The following DOCK1 variants were observed in gnomAD, a reference collection of about 807,000 sequenced individuals.
DOCK1 encodes the protein dedicator of cytokinesis protein 1.
DOCK1 carries 138 observed loss-of-function variants against 262.7 expected under a neutral mutation model. That is an observed-to-expected ratio of 0.53 (90% CI 0.46 to 0.61). The LOEUF (loss-of-function observed/expected upper bound fraction) is 0.61. Ranked by LOEUF, DOCK1 falls within the 20% of genes least tolerant of loss-of-function variation. The pLI is 0.00. For missense variants in DOCK1, 1,908 were observed against 2,370.7 expected (o/e 0.80, Z 4.05); for synonymous variants, 866 against 867.4 (o/e 1.00, Z 0.03).
intron 29 of DOCK1, among the ~76,000 whole-genome samples, chr10:127,306,014 GT>G (rs534023263): frequency 0.11 from 14,030 of 131,320 alleles, 508 homozygotes; most frequent in African/African-American, 0.19. Context: ...TTTTTTCCTG[GT>G]TTTTTTTTTT....
At chr10:127,048,479 G>A (rs2044493080) in intron 21 of DOCK1, among the ~76,000 whole-genome samples, 1 of 151,344 alleles carries the variant, frequency 6.6e-6, no homozygotes, top group Admixed American at 6.6e-5. Context: ...TTTTCTTAAT[G>A]GTGTCTTTCG....
At chr10:127,171,398 C>T (rs1413407939) in intron 27 of DOCK1, among the ~76,000 whole-genome samples, 1 of 152,202 alleles carries the variant, frequency 6.6e-6, no homozygotes, top group East Asian at 1.9e-4. Flanking sequence ...CCAGGGCCAT[C>T]AGCGGGATTC....
At chr10:127,138,560 A>G (rs1564832335) in intron 27 of DOCK1, among the ~76,000 whole-genome samples, 1 of 152,154 alleles carries the variant, frequency 6.6e-6, no homozygotes. Flanking sequence ...AAAATCTGAT[A>G]AGGGCCATAG....
intron 27 of DOCK1, among the ~76,000 whole-genome samples, chr10:127,245,741 C>G (rs2059412334): frequency 6.6e-6 from 1 of 152,190 alleles, no homozygotes; most frequent in African/African-American, 2.4e-5. Context: ...TTACTCTGTG[C>G]TCATACCCTC....
At chr10:126,908,972 T>C (rs1353748336) in intron 1 of DOCK1, among the ~76,000 whole-genome samples, 1 of 152,162 alleles carries the variant, frequency 6.6e-6, no homozygotes, top group Non-Finnish European at 1.5e-5. Context: ...AGAATAATGG[T>C]CCCCAAAAAG....
chr10:127,111,863 A>G (rs1337788020), intron 25 of DOCK1, among the ~76,000 whole-genome samples: 2 of 152,156 alleles, frequency 1.3e-5, no homozygotes, highest in Non-Finnish European at 2.9e-5. Flanking sequence ...TTGTCGATGA[A>G]TTGTGCTTGA....
intron 7 of DOCK1, 118 bp from the exon 8 acceptor site, chr10:126,997,974 G>A (rs2135117499): frequency 7.6e-7 from 1 of 1,308,986 alleles, no homozygotes; most frequent in Non-Finnish European, 1.1e-6. Context: ...CTGCACCAAG[G>A]CCTTTGCTGG....
At chr10:127,072,030 C>T (rs527868750) in intron 23 of DOCK1, among the ~76,000 whole-genome samples, 1 of 152,290 alleles carries the variant, frequency 6.6e-6, no homozygotes, top group East Asian at 1.9e-4. Flanking sequence ...TTCTCCCACC[C>T]CTGATCTTGT....
Position 127,451,755 on chromosome 10 carries a change from A to G in DOCK1, c.*328A>G, listed in dbSNP as rs2070986721. ...TTTGTGCCAAATGACTTGCATTTGC[A>G]AAGAGCTCAATTGCTCTGAGCTCAG... On this transcript the variant is annotated 3_prime_UTR_variant, in exon 52 of 52. Transcript: ENST00000623213. 5.6e-6 allele frequency: 2 copies of G among 359,844 alleles called. No individual in the cohort carries two copies. Among genetic ancestry groups the G allele is most frequent in the Non-Finnish European group, 1.0e-5 (2 of 196,468 alleles). The allele number at this position is 359,844 out of a possible 1,614,324, so 22.3% of individuals were successfully genotyped here. A position where few individuals can be genotyped will look rare whatever the true frequency, so the allele number is the denominator to read the frequency against.
At chr10:127,408,865 T>C (rs1350087389) in intron 40 of DOCK1, among the ~76,000 whole-genome samples, 172 bp from the exon 41 acceptor site, 1 of 150,250 alleles carries the variant, frequency 6.7e-6, no homozygotes, top group Non-Finnish European at 1.5e-5. Flanking sequence ...CATGTGTTCT[T>C]GATTAACAAA....
intron 4 of DOCK1, among the ~76,000 whole-genome samples, chr10:126,983,006 A>G (rs1334181878): frequency 6.6e-6 from 1 of 152,236 alleles, no homozygotes; most frequent in Admixed American, 6.5e-5. Context: ...GAAGCATGAT[A>G]ATAAAGTGAA....
intron 47 of DOCK1, among the ~76,000 whole-genome samples, chr10:127,430,613 C>G (rs2069217210): frequency 6.6e-6 from 1 of 151,576 alleles, no homozygotes; most frequent in African/African-American, 2.4e-5. Flanking sequence ...CCCCCCAGCC[C>G]CTCCTCCCCC....
At chr10:127,359,313 G>T (rs73384685) in intron 32 of DOCK1, among the ~76,000 whole-genome samples, 3,406 of 152,234 alleles carry the variant, frequency 0.022, 133 homozygotes, top group African/African-American at 0.077. Flanking sequence ...ATAATAAAAG[G>T]TTAAGCTACT....
At chr10:127,070,249 C>CCT (rs977701568) in intron 23 of DOCK1, among the ~76,000 whole-genome samples, 1 of 78,772 alleles carries the variant, frequency 1.3e-5, no homozygotes, top group African/African-American at 4.3e-5. Flanking sequence ...TGAATTTAGC[C>CCT]CTTTTTTTTT....
intron 27 of DOCK1, among the ~76,000 whole-genome samples, chr10:127,210,916 C>T (rs1395552205): frequency 6.6e-6 from 1 of 152,206 alleles, no homozygotes; most frequent in Non-Finnish European, 1.5e-5. Flanking sequence ...AAACGTATTA[C>T]AGCCAGCAGC....
intron 1 of DOCK1, among the ~76,000 whole-genome samples, chr10:126,949,007 T>C (rs2035913765): frequency 6.6e-6 from 1 of 152,102 alleles, no homozygotes; most frequent in Non-Finnish European, 1.5e-5. Context: ...GTTCCCTTTG[T>C]AACTGAGCTT....
chr10:127,032,125 C>T lies in DOCK1; in HGVS notation c.1729-12C>T, dbSNP rs775954638. Reference sequence around the variant, plus strand: ...GAATTGCCTTTGACATACGGCATGACTAAATCCACAGGCCGAAGCAAAGAA... The same window carrying T: ...GAATTGCCTTTGACATACGGCATGATTAAATCCACAGGCCGAAGCAAAGAA... On this transcript the variant is annotated splice_polypyrimidine_tract_variant and intron_variant, in intron 17 of 51. Coordinates refer to ENST00000623213, the MANE Select transcript of DOCK1 (RefSeq NM_001290223.2). The T allele has an allele frequency of 1.3e-6, 2 of 1,579,214 alleles. No individual in the cohort carries two copies. The highest frequency in any genetic ancestry group is 1.3e-5 in the African/African-American group (1 of 74,246).
chr10:127,182,390 AAAG>A (rs1589817379), intron 27 of DOCK1, among the ~76,000 whole-genome samples: 1 of 152,178 alleles, frequency 6.6e-6, no homozygotes, highest in Non-Finnish European at 1.5e-5. Flanking sequence ...GAGTGAGAAC[AAAG>A]GAGGGCAAGC....
intron 19 of DOCK1, among the ~76,000 whole-genome samples, chr10:127,039,097 T>C (rs534906246): frequency 2.0e-5 from 3 of 152,336 alleles, no homozygotes; most frequent in African/African-American, 2.4e-5. Flanking sequence ...AGCAGTGTGC[T>C]TCACTTCAGT....
Sources: gnomAD v4.1 joint callset for allele counts (sites outside exome capture counted in the v4.1 genomes callset) on GRCh38, gnomAD v4.1.1 for gene constraint, MANE v1.5 for transcripts, NCBI Gene and HGNC (gene_info 2026-07-23, HGNC 2026-07-21) for gene names.